SACM1L: variants seen among roughly 807,000 people sequenced by gnomAD.
The protein encoded by SACM1L is SAC1 like phosphatidylinositide phosphatase.
Under a neutral mutation model 89.5 loss-of-function variants are expected in SACM1L, and 32 were observed. The ratio of observed to expected loss-of-function variants is 0.36; its 90% CI spans 0.27 to 0.48. The LOEUF (loss-of-function observed/expected upper bound fraction) is 0.48, where lower values mean the gene tolerates loss of function less well. Ranked by LOEUF, SACM1L falls within the 20% of genes least tolerant of loss-of-function variation. SACM1L has a pLI of 0.99. For missense variants in SACM1L, 543 were observed against 708.5 expected, an observed-to-expected ratio of 0.77 and a Z score of 2.65; for synonymous variants, 213 against 232.8, an observed-to-expected ratio of 0.92 and a Z score of 0.77.
intron 1 of SACM1L, among the ~76,000 whole-genome samples, chr3:45,701,517 G>T (rs756020509): frequency 2.0e-5 from 3 of 151,938 alleles, no homozygotes; most frequent in Non-Finnish European, 4.4e-5. Context: ...GAAATAGTGG[G>T]TTTAAAAAAA....
intron 4 of SACM1L, 102 bp from the exon 5 acceptor site, chr3:45,709,396 C>G: frequency 9.4e-7 from 1 of 1,061,018 alleles, no homozygotes; most frequent in Non-Finnish European, 1.3e-6. Context: ...TGCCAGTAGT[C>G]TTTAATGAGA....
At chr3:45,699,340 TAAAA>T (rs542328142) in intron 1 of SACM1L, among the ~76,000 whole-genome samples, 1 of 151,000 alleles carries the variant, frequency 6.6e-6, no homozygotes, top group Non-Finnish European at 1.5e-5. Flanking sequence ...AATAAAAAAA[TAAAA>T]AAATGCTCAT....
At chr3:45,700,082 G>C (rs954319195) in intron 1 of SACM1L, among the ~76,000 whole-genome samples, 4 of 152,176 alleles carry the variant, frequency 2.6e-5, no homozygotes, top group African/African-American at 7.2e-5. Flanking sequence ...CAGGTGGTCA[G>C]AGTGTAGGAA....
intron 1 of SACM1L, among the ~76,000 whole-genome samples, chr3:45,691,236 T>C (rs939423815): frequency 6.6e-6 from 1 of 152,148 alleles, no homozygotes; most frequent in Admixed American, 6.5e-5. Context: ...TAGCTTTTTT[T>C]CCCCCTGAAA....
At chr3:45,697,278 T>C (rs1019383261) in intron 1 of SACM1L, among the ~76,000 whole-genome samples, 1 of 128,084 alleles carries the variant, frequency 7.8e-6, no homozygotes, top group African/African-American at 4.1e-5. Flanking sequence ...CCTTTTTTTT[T>C]TTTTTTTTTT....
chr3:45,704,920 A>G (rs529168025), intron 2 of SACM1L, among the ~76,000 whole-genome samples: 1 of 152,314 alleles, frequency 6.6e-6, no homozygotes, highest in South Asian at 2.1e-4. Flanking sequence ...CCTAACATAC[A>G]TTCTAGGAGT....
At chr3:45,717,178 A>G (rs940046678) in intron 7 of SACM1L, among the ~76,000 whole-genome samples, 1 of 152,170 alleles carries the variant, frequency 6.6e-6, no homozygotes, top group South Asian at 2.1e-4. Flanking sequence ...TAGCAGCTCA[A>G]CTCATTGCTG....
At chr3:45,714,745 T>C (rs1042477133) in intron 7 of SACM1L, among the ~76,000 whole-genome samples, 4 of 152,176 alleles carry the variant, frequency 2.6e-5, no homozygotes, top group African/African-American at 9.7e-5. Flanking sequence ...AAATGAGTAA[T>C]GATTATCTAA....
At chr3:45,703,369 A>T (rs1698317010) in intron 1 of SACM1L, 69 bp from the exon 2 acceptor site, 3 of 1,027,416 alleles carry the variant, frequency 2.9e-6, no homozygotes, top group Non-Finnish European at 4.6e-6. Flanking sequence ...TGTAATTGTC[A>T]TAATAAGTAG....
intron 7 of SACM1L, 134 bp downstream of exon 7, chr3:45,714,213 G>A (rs1446591208): frequency 5.6e-6 from 2 of 355,080 alleles, no homozygotes; most frequent in Non-Finnish European, 9.7e-6. Context: ...CTGTTGATAA[G>A]AAAATCAAAC....
intron 1 of SACM1L, among the ~76,000 whole-genome samples, chr3:45,697,943 C>T (rs916850944): frequency 6.6e-6 from 1 of 152,168 alleles, no homozygotes; most frequent in Non-Finnish European, 1.5e-5. Flanking sequence ...CGAATCTTGT[C>T]TTCCGAAATC....
At chr3:45,694,546 G>C (rs1317915318) in intron 1 of SACM1L, among the ~76,000 whole-genome samples, 1 of 152,150 alleles carries the variant, frequency 6.6e-6, no homozygotes, top group Non-Finnish European at 1.5e-5. Context: ...GGGAGTTCAG[G>C]CTAGTTCAGG....
intron 1 of SACM1L, among the ~76,000 whole-genome samples, chr3:45,703,023 C>T (rs1559537868): frequency 1.3e-5 from 2 of 152,188 alleles, no homozygotes. Flanking sequence ...TCACACGATG[C>T]TGCGTGATGA....
At chr3:45,704,432 T>C (rs1480458305) in intron 2 of SACM1L, among the ~76,000 whole-genome samples, 1 of 152,198 alleles carries the variant, frequency 6.6e-6, no homozygotes, top group Non-Finnish European at 1.5e-5. Flanking sequence ...ATAGTTTGTC[T>C]TTGATCAAAT....
At chr3:45,691,515 G>A (rs2125678062) in intron 1 of SACM1L, among the ~76,000 whole-genome samples, 1 of 152,182 alleles carries the variant, frequency 6.6e-6, no homozygotes, top group East Asian at 1.9e-4. Context: ...TGTGTTTTAA[G>A]AAATATCCAT....
intron 14 of SACM1L, among the ~76,000 whole-genome samples, chr3:45,735,864 A>AT (rs1016622712): frequency 1.5e-4 from 22 of 149,972 alleles, no homozygotes; most frequent in East Asian, 3.9e-4. Context: ...TGATATTTTA[A>AT]TTTTTTTTTT....
intron 4 of SACM1L, 83 bp from the exon 5 acceptor site, chr3:45,709,415 A>G (rs983346284): frequency 2.4e-6 from 3 of 1,263,946 alleles, no homozygotes; most frequent in Non-Finnish European, 3.3e-6. Flanking sequence ...GACTGGACTT[A>G]ACAGGATTTA....
intron 11 of SACM1L, among the ~76,000 whole-genome samples, chr3:45,725,595 T>C (rs551414431): frequency 1.3e-5 from 2 of 152,190 alleles, no homozygotes; most frequent in South Asian, 4.1e-4. Flanking sequence ...CCAATTGATA[T>C]TTTGCAGAAT....
chr3:45,696,221 T>C lies in SACM1L; in HGVS notation c.32+6724T>C, dbSNP rs149853133. Among the ~76,000 whole-genome samples, 1,033 of 152,222 alleles carry C rather than the reference T, an allele frequency of 6.8e-3. 4 individuals carry two copies. Among genetic ancestry groups the C allele is most frequent in the Non-Finnish European group, 9.8e-3 (666 of 68,002 alleles). On this transcript the variant is annotated intron_variant, in intron 1 of 19. Coordinates refer to ENST00000389061, the MANE Select transcript of SACM1L (RefSeq NM_014016.5). ...ACTGCATTTGCCAGGATGGTCTCCA[T>C]CTCCTGACCTCGTGATCCGCCTGCC... is the stretch of plus-strand genomic sequence containing the variant.
Sources: allele counts gnomAD v4.1 joint callset (sites outside exome capture counted in the v4.1 genomes callset), GRCh38; gene constraint gnomAD v4.1.1; transcripts MANE v1.5; gene names NCBI Gene and HGNC (gene_info 2026-07-23, HGNC 2026-07-21).